Variants in RNF6 observed in about 807,000 individuals in gnomAD.
RNF6 encodes E3 ubiquitin-protein ligase RNF6.
In RNF6, 21 loss-of-function variants were observed where a neutral mutation model predicts 50.1. The observed-to-expected ratio is 0.42, with a 90% CI of 0.30 to 0.60. The LOEUF (loss-of-function observed/expected upper bound fraction) is 0.60. Ranked by LOEUF, RNF6 falls within the 20% of genes least tolerant of loss-of-function variation. RNF6 has a pLI of 0.20. For missense variants in RNF6, 698 were observed against 838.2 expected, an observed-to-expected ratio of 0.83 and a Z score of 2.07; for synonymous variants, 255 against 291.8, an observed-to-expected ratio of 0.87 and a Z score of 1.29.
At chr13:26,140,693 A>G (rs1473585334) in intron 5 of RNF6, among the ~76,000 whole-genome samples, 6 of 152,184 alleles carry the variant, frequency 3.9e-5, no homozygotes, top group Admixed American at 3.9e-4. Context: ...AAGTCAAATT[A>G]TCTCTCATCA....
chr13:26,137,663 A>C (rs1299521462), intron 5 of RNF6, among the ~76,000 whole-genome samples: 4 of 151,200 alleles, frequency 2.6e-5, no homozygotes, highest in African/African-American at 9.8e-5. Flanking sequence ...TAAAAAAAAA[A>C]AAAACAAATA....
chr13:26,207,473 CTA>C (rs1316104325), intron 5 of RNF6, among the ~76,000 whole-genome samples: 3 of 144,102 alleles, frequency 2.1e-5, no homozygotes, highest in Non-Finnish European at 4.7e-5. Context: ...TGGCAAGAAT[CTA>C]TGTGAGAAAT....
chr13:26,218,800 A>C (rs527277258), intron 3 of RNF6, among the ~76,000 whole-genome samples, 194 bp from the exon 4 acceptor site: 1 of 152,326 alleles, frequency 6.6e-6, no homozygotes, highest in South Asian at 2.1e-4. Context: ...TTCATTTATT[A>C]ATCTTTTATT....
chr13:26,164,440 TC>T (rs1872352479), intron 5 of RNF6, among the ~76,000 whole-genome samples: 1 of 152,174 alleles, frequency 6.6e-6, no homozygotes. Context: ...ATCATGTGTC[TC>T]CATTGTCCCC....
chr13:26,147,154 T>C (rs1183939932), intron 5 of RNF6, among the ~76,000 whole-genome samples: 1 of 152,198 alleles, frequency 6.6e-6, no homozygotes, highest in Non-Finnish European at 1.5e-5. Flanking sequence ...ACACTCTTAA[T>C]ACCCATTCCC....
At chr13:26,141,495 A>G (rs1870950239) in intron 5 of RNF6, among the ~76,000 whole-genome samples, 1 of 152,150 alleles carries the variant, frequency 6.6e-6, no homozygotes, top group Non-Finnish European at 1.5e-5. Flanking sequence ...ACAAGGCTAC[A>G]GTAACCAAAA....
intron 5 of RNF6, among the ~76,000 whole-genome samples, chr13:26,190,208 A>G (rs1372092745): frequency 2.6e-5 from 4 of 152,098 alleles, no homozygotes; most frequent in Admixed American, 6.5e-5. Flanking sequence ...CTCTGACTCA[A>G]CTCAGCAGGG....
intron 5 of RNF6, among the ~76,000 whole-genome samples, chr13:26,182,140 G>C (rs1305175423): frequency 6.6e-6 from 1 of 152,206 alleles, no homozygotes; most frequent in Non-Finnish European, 1.5e-5. Context: ...GGTGTGGAGA[G>C]AGGACACACA....
intron 5 of RNF6, among the ~76,000 whole-genome samples, chr13:26,184,709 T>C (rs574819191): frequency 1.3e-5 from 2 of 152,274 alleles, no homozygotes; most frequent in African/African-American, 4.8e-5. Flanking sequence ...ACAATACGAG[T>C]ATCTCTGCCT....
chr13:26,146,905 A>C (rs745352730), intron 5 of RNF6, among the ~76,000 whole-genome samples: 1 of 152,276 alleles, frequency 6.6e-6, no homozygotes, highest in Non-Finnish European at 1.5e-5. Context: ...TGCTGTTCTC[A>C]TGATAGAGCT....
intron 5 of RNF6, among the ~76,000 whole-genome samples, chr13:26,134,072 C>A: frequency 6.6e-6 from 1 of 152,188 alleles, no homozygotes; most frequent in African/African-American, 2.4e-5. Context: ...CACACTTGAC[C>A]TCTGTTGACA....
chr13:26,195,442 A>C (rs1776762450), intron 5 of RNF6, among the ~76,000 whole-genome samples: 1 of 152,230 alleles, frequency 6.6e-6, no homozygotes, highest in Non-Finnish European at 1.5e-5. Context: ...GAATTCCAGA[A>C]GAAGAAAAAG....
intron 5 of RNF6, among the ~76,000 whole-genome samples, chr13:26,207,088 T>C (rs1287577384): frequency 1.3e-5 from 2 of 151,872 alleles, no homozygotes; most frequent in East Asian, 3.9e-4. Flanking sequence ...CTGAGCCTAA[T>C]GGATAGGTTG....
intron 5 of RNF6, among the ~76,000 whole-genome samples, chr13:26,200,505 G>A (rs545806504): frequency 2.5e-4 from 37 of 150,980 alleles, no homozygotes; most frequent in South Asian, 1.3e-3. Context: ...CACCTCCCAG[G>A]TTCAAGCAAT....
intron 5 of RNF6, among the ~76,000 whole-genome samples, chr13:26,138,846 C>A (rs921445192): frequency 2.6e-5 from 4 of 152,156 alleles, no homozygotes; most frequent in Non-Finnish European, 5.9e-5. Flanking sequence ...CACTGTCTTC[C>A]ATTGGCCTCA....
At chr13:26,196,276 A>T (rs1261831187) in intron 5 of RNF6, among the ~76,000 whole-genome samples, 1 of 152,230 alleles carries the variant, frequency 6.6e-6, no homozygotes, top group African/African-American at 2.4e-5. Context: ...AATCATTAAA[A>T]TGCTGAAAGG....
chr13:26,134,107 G>A (rs1274800683), intron 5 of RNF6, among the ~76,000 whole-genome samples: 1 of 152,208 alleles, frequency 6.6e-6, no homozygotes, highest in African/African-American at 2.4e-5. Flanking sequence ...CCTTGTTACA[G>A]CTGGGAAAGG....
At chr13:26,169,624 G>A (rs61946760) in intron 5 of RNF6, among the ~76,000 whole-genome samples, 35,892 of 152,048 alleles carry the variant, frequency 0.24, 5,326 homozygotes, top group Non-Finnish European at 0.33. Flanking sequence ...TTAAGACCCA[G>A]GAAATGTCTT....
chr13:26,196,811 A>C (rs946074654), intron 5 of RNF6, among the ~76,000 whole-genome samples: 2 of 151,890 alleles, frequency 1.3e-5, no homozygotes, highest in Non-Finnish European at 2.9e-5. Flanking sequence ...TAGGTAGGTA[A>C]ATATACAAGG....
Sources: gnomAD v4.1 joint callset for allele counts (sites outside exome capture counted in the v4.1 genomes callset) on GRCh38, gnomAD v4.1.1 for gene constraint, MANE v1.5 for transcripts, NCBI Gene and HGNC (gene_info 2026-07-23, HGNC 2026-07-21) for gene names.